Variants in TRUB1 observed in about 807,000 individuals in gnomAD.
TRUB1 encodes TruB pseudouridine synthase family member 1, also known as pseudouridylate synthase TRUB1.
TRUB1 carries 23 observed loss-of-function variants against 33.9 expected under a neutral mutation model. The observed-to-expected ratio is 0.68, with a 90% CI of 0.49 to 0.96. The LOEUF is 0.96. Ranked by LOEUF, TRUB1 falls within the 40% of genes least tolerant of loss-of-function variation. TRUB1 has a pLI of 0.00. For missense variants in TRUB1, 378 were observed against 422.2 expected (o/e 0.90, Z 0.92); for synonymous variants, 163 against 165.4 (o/e 0.99, Z 0.11).
intron 6 of TRUB1, 30 bp downstream of exon 6, chr10:114,972,304 A>G (rs1162522277): frequency 1.9e-6 from 3 of 1,564,972 alleles, no homozygotes; most frequent in South Asian, 1.2e-5. Context: ...AATCATTTGT[A>G]TTTACGTGTA....
At chr10:114,958,867 C>T (rs965748457) in intron 3 of TRUB1, among the ~76,000 whole-genome samples, 1 of 151,642 alleles carries the variant, frequency 6.6e-6, no homozygotes, top group Non-Finnish European at 1.5e-5. Context: ...TGGTGGCTCA[C>T]GCCTGTAATC....
chr10:114,942,354 G>A (rs939806152), intron 1 of TRUB1, among the ~76,000 whole-genome samples: 2 of 151,944 alleles, frequency 1.3e-5, no homozygotes, highest in East Asian at 1.9e-4. Flanking sequence ...AGATTTTTGC[G>A]GGTTAGCTTG....
intron 4 of TRUB1, chr10:114,969,688 T>TTG (rs1564701824): frequency 1.6e-4 from 7 of 44,168 alleles, no homozygotes; most frequent in Non-Finnish European, 1.3e-4. Context: ...CTTATGTGTG[T>TTG]TTTTTTTTTT....
intron 5 of TRUB1, among the ~76,000 whole-genome samples, chr10:114,971,256 T>G (rs1229539153): frequency 6.6e-6 from 1 of 152,200 alleles, no homozygotes; most frequent in African/African-American, 2.4e-5. Context: ...GGGTTAGGAT[T>G]TCAGCATATA....
At chr10:114,945,003 A>G (rs2084205573) in intron 2 of TRUB1, among the ~76,000 whole-genome samples, 1 of 152,178 alleles carries the variant, frequency 6.6e-6, no homozygotes, top group South Asian at 2.1e-4. Context: ...AATAACAAGC[A>G]TTTATTGAGC....
chr10:114,970,864 TCTTTTG>T (rs1315811664), intron 5 of TRUB1, among the ~76,000 whole-genome samples: 1 of 152,236 alleles, frequency 6.6e-6, no homozygotes, highest in African/African-American at 2.4e-5. Context: ...TTGGGCACAA[TCTTTTG>T]CTTCACTATT....
At chr10:114,975,036 T>C (rs903450190) in intron 7 of TRUB1, 87 bp from the exon 8 acceptor site, 66 of 1,450,636 alleles carry the variant, frequency 4.5e-5, no homozygotes, top group African/African-American at 5.7e-5. Flanking sequence ...GAGATTTCAA[T>C]TGAGTACGGT....
intron 6 of TRUB1, 92 bp downstream of exon 6, chr10:114,972,366 T>G: frequency 7.3e-7 from 1 of 1,371,262 alleles, no homozygotes; most frequent in Non-Finnish European, 9.8e-7. Context: ...ATCCGTAGGA[T>G]GTTGGAGATT....
chr10:114,964,869 A>G (rs2084300184), intron 4 of TRUB1, among the ~76,000 whole-genome samples: 4 of 151,620 alleles, frequency 2.6e-5, no homozygotes, highest in South Asian at 2.1e-4. Context: ...GTTTTAGACT[A>G]TCTGGATATC....
At chr10:114,950,000 G>A (rs1362703870) in intron 2 of TRUB1, among the ~76,000 whole-genome samples, 3 of 149,072 alleles carry the variant, frequency 2.0e-5, no homozygotes, top group Non-Finnish European at 4.4e-5. Flanking sequence ...TTGGGTTCAA[G>A]CGATTCTCCT....
intron 3 of TRUB1, among the ~76,000 whole-genome samples, chr10:114,951,544 A>G (rs1474989124): frequency 2.0e-5 from 3 of 152,208 alleles, no homozygotes; most frequent in African/African-American, 4.8e-5. Context: ...GCTTTGTTCA[A>G]TGGTTATAAA....
intron 3 of TRUB1, among the ~76,000 whole-genome samples, chr10:114,959,089 T>C (rs2084274132): frequency 1.3e-5 from 2 of 152,134 alleles, no homozygotes; most frequent in African/African-American, 4.8e-5. Flanking sequence ...TGAGCCGAGA[T>C]CGCACCACTG....
intron 3 of TRUB1, among the ~76,000 whole-genome samples, chr10:114,954,022 C>G (rs1254527430): frequency 6.6e-6 from 1 of 151,758 alleles, no homozygotes; most frequent in East Asian, 1.9e-4. Flanking sequence ...CAACTCTAAC[C>G]CTATGTATGA....
In TRUB1 at chr10:114,976,363, T is replaced by A. The variant is rs1028603309; in HGVS notation, c.*984T>A. 8 of 152,196 alleles carry A rather than the reference T, an allele frequency of 5.3e-5. No individual in the cohort carries two copies. Among genetic ancestry groups the A allele is most frequent in the African/African-American group, 1.9e-4 (8 of 41,462 alleles). The allele number at this position is 152,196 out of a possible 1,614,324, so 9.4% of individuals were successfully genotyped here. A position where few individuals can be genotyped will look rare whatever the true frequency, so the allele number is the denominator to read the frequency against. On this transcript the variant is annotated 3_prime_UTR_variant, in exon 8 of 8. Transcript: ENST00000298746. Reference sequence around the variant, plus strand: ...TAAAAACAGTTCTTCTCAAACATTTTCATTCAGATAGCTTTCTGAAAGTTC... The same window carrying A: ...TAAAAACAGTTCTTCTCAAACATTTACATTCAGATAGCTTTCTGAAAGTTC...
At position 114,959,260 on chromosome 10, in the gene TRUB1, C is replaced by T. The variant is rs144377556; in HGVS notation, c.442-466C>T. Among the ~76,000 whole-genome samples, 564 of 152,218 alleles carry T rather than the reference C, an allele frequency of 3.7e-3. 1 individual carries two copies. The highest frequency in any genetic ancestry group is 0.012 in the African/African-American group (513 of 41,540). ...ACATGACCTAGTTACTAAGAATTGT[C>T]TTAGTATTTCATGTAAGAAGTACTA... On this transcript the variant is annotated intron_variant, in intron 3 of 7. Transcript: ENST00000298746.
At chr10:114,940,034 A>G (rs2084179350) in intron 1 of TRUB1, among the ~76,000 whole-genome samples, 1 of 152,046 alleles carries the variant, frequency 6.6e-6, no homozygotes, top group South Asian at 2.1e-4. Flanking sequence ...ATTGCTTGTG[A>G]TTGGCCTATT....
chr10:114,949,119 A>G (rs2084223324), intron 2 of TRUB1, among the ~76,000 whole-genome samples: 3 of 152,258 alleles, frequency 2.0e-5, no homozygotes, highest in South Asian at 2.1e-4. Flanking sequence ...TCATTAGGCA[A>G]CATTTCTTGA....
At chr10:114,951,033 C>A in intron 2 of TRUB1, 61 bp from the exon 3 acceptor site, 1 of 1,423,866 alleles carries the variant, frequency 7.0e-7, no homozygotes, top group Non-Finnish European at 9.8e-7. Flanking sequence ...AAAAATATAG[C>A]TATTTTAAAA....
At position 114,970,556 on chromosome 10, in the gene TRUB1, C is replaced by T; in HGVS notation, c.596+116C>T. The T allele has an allele frequency of 5.2e-6, 4 of 772,446 alleles. No individual in the cohort carries two copies. In the Admixed American group the frequency reaches 6.3e-5, roughly 12 times the overall value. The allele number at this position is 772,446 out of a possible 1,614,324, so 47.8% of individuals were successfully genotyped here. On this transcript the variant is annotated intron_variant, in intron 5 of 7. Transcript: ENST00000298746. ...GCATATGGCAAGGCAGGTTTTAAAT[C>T]TGATGTGCCAAATGTTAAAGTGAAG...
Sources: gnomAD v4.1 joint callset for allele counts (sites outside exome capture counted in the v4.1 genomes callset) on GRCh38, gnomAD v4.1.1 for gene constraint, MANE v1.5 for transcripts, NCBI Gene and HGNC (gene_info 2026-07-23, HGNC 2026-07-21) for gene names.